The following FOXN3 variants were observed in gnomAD, a reference collection of about 807,000 sequenced individuals.
FOXN3 encodes forkhead box N3.
A neutral mutation model predicts 38.4 loss-of-function variants in FOXN3; 7 were observed. That is an observed-to-expected ratio of 0.18 (90% confidence interval 0.10 to 0.34). The LOEUF (loss-of-function observed/expected upper bound fraction) is 0.34, where lower values mean the gene tolerates loss of function less well. FOXN3 is among the 10% of genes least tolerant of loss of function. The probability of loss-of-function intolerance (pLI) is 1.00; values close to 1 mark genes in which losing one functional copy is unlikely to be tolerated. For synonymous variants in FOXN3, 230 were observed against 242.2 expected, an observed-to-expected ratio of 0.95 and a Z score of 0.47; for missense variants, 456 against 613.4, an observed-to-expected ratio of 0.74 and a Z score of 2.71.
At chr14:89,259,451 T>A (rs1396217345) in intron 4 of FOXN3, among the ~76,000 whole-genome samples, 1 of 152,210 alleles carries the variant, frequency 6.6e-6, no homozygotes, top group Non-Finnish European at 1.5e-5. Flanking sequence ...CCCAAACCAA[T>A]ACCTAGAATT....
Position 89,510,194 on chromosome 14 carries a change from A to T in FOXN3, c.-14-97704T>A, listed in dbSNP as rs143920640. Among the ~76,000 whole-genome samples, 569 of 152,260 alleles carry T rather than the reference A, an allele frequency of 3.7e-3. 1 individual carries two copies. Among genetic ancestry groups the T allele is most frequent in the African/African-American group, 0.013 (535 of 41,540 alleles). ...AAAACCCTGAGGCTCAGGGAAGTTG[A>T]GTGACTTGCTCAAGGTCTCACTGCC... is the stretch of plus-strand genomic sequence containing the variant. On this transcript the variant is annotated intron_variant, in intron 1 of 6. Coordinates refer to the FOXN3 transcript ENST00000345097.
intron 4 of FOXN3, chr14:89,230,990 C>T (rs1020486317): frequency 1.8e-5 from 7 of 382,676 alleles, no homozygotes; most frequent in Admixed American, 8.5e-5. Flanking sequence ...ACTAGCTCTG[C>T]GGGAACATCA....
chr14:89,158,742 A>G lies in FOXN3; in HGVS notation c.*3672T>C, dbSNP rs1406099724. The G allele has an allele frequency of 2.0e-5, 3 of 152,626 alleles. No homozygotes were observed. Among genetic ancestry groups the G allele is most frequent in the African/African-American group, 7.2e-5 (3 of 41,452 alleles). 9.5% of individuals were successfully genotyped at this position (152,626 alleles called of 1,614,324 possible). On this transcript the variant is annotated 3_prime_UTR_variant, in exon 6 of 6. Transcript: ENST00000557258. The stretch of plus-strand genomic sequence containing the variant: ...ATATCATTTAAGAAAAAAAAGAGTG[A>G]CTGTCTCTTTCTCTTAAATGTATCC...
At chr14:89,290,440 C>T (rs987844514) in intron 3 of FOXN3, 18 of 381,324 alleles carry the variant, frequency 4.7e-5, no homozygotes, top group Non-Finnish European at 1.0e-5. Flanking sequence ...TTGGTCATTT[C>T]CCCAATGCCC....
intron 3 of FOXN3, among the ~76,000 whole-genome samples, chr14:89,329,562 A>T (rs1407878770): frequency 2.7e-4 from 41 of 152,156 alleles, no homozygotes; most frequent in Admixed American, 2.6e-3. Context: ...CACAATAAAC[A>T]ATTCTCTGGC....
intron 3 of FOXN3, among the ~76,000 whole-genome samples, chr14:89,335,507 G>A (rs1453432980): frequency 6.6e-6 from 1 of 152,188 alleles, no homozygotes; most frequent in Non-Finnish European, 1.5e-5. Flanking sequence ...GCTATTTACA[G>A]ACACTATTTT....
At chr14:89,607,552 G>A (rs1458522997) in intron 1 of FOXN3, among the ~76,000 whole-genome samples, 3 of 145,944 alleles carry the variant, frequency 2.1e-5, no homozygotes, top group East Asian at 2.0e-4. Context: ...GAGCAAGACC[G>A]TGTCTTAAAA....
At chr14:89,569,055 A>G (rs1895431802) in intron 1 of FOXN3, among the ~76,000 whole-genome samples, 1 of 152,074 alleles carries the variant, frequency 6.6e-6, no homozygotes, top group South Asian at 2.1e-4. Context: ...ATACAAAAAT[A>G]TTAGCCGGGC....
chr14:89,230,294 G>A (rs985746896), intron 4 of FOXN3, among the ~76,000 whole-genome samples: 3 of 152,252 alleles, frequency 2.0e-5, no homozygotes, highest in East Asian at 3.9e-4. Context: ...CTCAGAAAAC[G>A]TCTGCTGAAT....
intron 5 of FOXN3, among the ~76,000 whole-genome samples, chr14:89,167,378 G>C (rs192909649): frequency 7.9e-4 from 120 of 152,286 alleles, no homozygotes; most frequent in African/African-American, 2.7e-3. Flanking sequence ...CCTCTTACCT[G>C]GTGCACTAGG....
chr14:89,519,693 G>T (rs575865633), intron 1 of FOXN3, among the ~76,000 whole-genome samples: 186 of 152,340 alleles, frequency 1.2e-3, no homozygotes, highest in African/African-American at 4.2e-3. Context: ...GACTAGCACT[G>T]ACTGGGGTGG....
intron 1 of FOXN3, among the ~76,000 whole-genome samples, chr14:89,568,292 T>A (rs1895408637): frequency 6.6e-6 from 1 of 152,082 alleles, no homozygotes; most frequent in African/African-American, 2.4e-5. Context: ...CTATGAACCA[T>A]CCTGCATGAA....
rs1326531934 is a variant in FOXN3 at position 89,164,336 on chromosome 14, T to C, written c.852-1367A>G. Among the ~76,000 whole-genome samples, 4 of 152,182 alleles carry C rather than the reference T, an allele frequency of 2.6e-5. No homozygotes were observed. Among genetic ancestry groups the C allele is most frequent in the African/African-American group, 9.7e-5 (4 of 41,438 alleles). On this transcript the variant is annotated intron_variant, in intron 5 of 5. Coordinates refer to ENST00000557258, the MANE Select transcript of FOXN3 (RefSeq NM_005197.4). This position sits in a 1 kb window ranked among gnomAD's most constrained non-coding sequence, Gnocchi z 4.3. ...CCTTGGACACAAGGGCTGAAGAATTTGGCAGGGATGGGAACTGTTCTATGG... is the reference window on the plus strand; with the variant it reads ...CCTTGGACACAAGGGCTGAAGAATTCGGCAGGGATGGGAACTGTTCTATGG...
intron 1 of FOXN3, among the ~76,000 whole-genome samples, chr14:89,613,066 G>A (rs1330262384): frequency 3.0e-5 from 4 of 135,118 alleles, no homozygotes; most frequent in East Asian, 2.2e-4. Context: ...GCAGTCAGCC[G>A]AGATCGCGCC....
chr14:89,399,275 A>G (rs1413406224), intron 2 of FOXN3, among the ~76,000 whole-genome samples: 1 of 152,176 alleles, frequency 6.6e-6, no homozygotes, highest in Non-Finnish European at 1.5e-5. Flanking sequence ...AGGGACTGGC[A>G]CCAACATCCC....
At chr14:89,325,507 G>A (rs1566957007) in intron 3 of FOXN3, among the ~76,000 whole-genome samples, 1 of 152,184 alleles carries the variant, frequency 6.6e-6, no homozygotes. Flanking sequence ...GCAAGAGTAA[G>A]AGGTGAAACA....
chr14:89,395,027 C>T (rs1229855082), intron 2 of FOXN3, among the ~76,000 whole-genome samples: 1 of 152,214 alleles, frequency 6.6e-6, no homozygotes, highest in African/African-American at 2.4e-5. Context: ...TATTCTGACA[C>T]TTCCCCAAAG....
intron 2 of FOXN3, among the ~76,000 whole-genome samples, chr14:89,375,375 G>C (rs1890449144): frequency 6.6e-6 from 1 of 151,492 alleles, no homozygotes; most frequent in Non-Finnish European, 1.5e-5. Context: ...AACTAAAAAA[G>C]CAAGTTTGCA....
intron 2 of FOXN3, among the ~76,000 whole-genome samples, chr14:89,373,398 T>C (rs1426603566): frequency 1.4e-5 from 2 of 140,234 alleles, no homozygotes; most frequent in African/African-American, 2.7e-5. Context: ...CCTGGAGTTA[T>C]AGCATTTCAG....
Sources: allele counts gnomAD v4.1 joint callset (sites outside exome capture counted in the v4.1 genomes callset), GRCh38; gene constraint gnomAD v4.1.1; non-coding constraint Gnocchi (gnomAD v3.1); transcripts MANE v1.5; gene names NCBI Gene and HGNC (gene_info 2026-07-23, HGNC 2026-07-21).